Variants in ARHGEF10 observed in about 807,000 individuals in gnomAD.
The protein encoded by ARHGEF10 is Rho guanine nucleotide exchange factor 10.
ARHGEF10 carries 140 observed loss-of-function variants against 147.4 expected under a neutral mutation model. That is an observed-to-expected ratio of 0.95 (90% CI 0.83 to 1.09). ARHGEF10 has a LOEUF of 1.09. Ranked by LOEUF, ARHGEF10 falls within the 50% of genes least tolerant of loss-of-function variation. The probability of loss-of-function intolerance (pLI) is 0.00; values close to 1 mark genes in which losing one functional copy is unlikely to be tolerated. For missense variants in ARHGEF10, 2,222 were observed against 1,752.7 expected, an observed-to-expected ratio of 1.27 and a Z score of -4.78; for synonymous variants, 902 against 695.8, an observed-to-expected ratio of 1.30 and a Z score of -4.67.
At chr8:1,835,182 G>C (rs1238304393) in intron 1 of ARHGEF10, among the ~76,000 whole-genome samples, 1 of 152,192 alleles carries the variant, frequency 6.6e-6, no homozygotes, top group Non-Finnish European at 1.5e-5. Flanking sequence ...ATGGAGGCCG[G>C]AGGAGTGGAC....
At chr8:1,923,321 G>A (rs1812440668) in intron 19 of ARHGEF10, 147 bp from the exon 20 acceptor site, 1 of 1,254,954 alleles carries the variant, frequency 8.0e-7, no homozygotes, top group African/African-American at 1.5e-5. Context: ...CCCACAGTGT[G>A]ATCTGACTCC....
intron 11 of ARHGEF10, among the ~76,000 whole-genome samples, chr8:1,889,893 TGC>T: frequency 7.5e-6 from 1 of 132,604 alleles, no homozygotes; most frequent in African/African-American, 3.0e-5. Flanking sequence ...GAGGAGACAC[TGC>T]ATGGGGTGAA....
intron 12 of ARHGEF10, among the ~76,000 whole-genome samples, chr8:1,894,054 G>A (rs1370483769): frequency 6.6e-6 from 1 of 151,676 alleles, no homozygotes; most frequent in Non-Finnish European, 1.5e-5. Context: ...TGTGCCTATG[G>A]TCCCAGCTAC....
At chr8:1,892,317 G>GTGTC (rs1809603715) in intron 11 of ARHGEF10, among the ~76,000 whole-genome samples, 1 of 150,000 alleles carries the variant, frequency 6.7e-6, no homozygotes, top group Non-Finnish European at 1.5e-5. Flanking sequence ...GTGTGTGTGT[G>GTGTC]TGTGTGTGTG....
chr8:1,855,460 C>T (rs1176137408), intron 2 of ARHGEF10, among the ~76,000 whole-genome samples: 1 of 152,086 alleles, frequency 6.6e-6, no homozygotes, highest in Admixed American at 6.5e-5. Flanking sequence ...CAGCTCACTG[C>T]AACTTCCGCT....
intron 27 of ARHGEF10, 41 bp downstream of exon 27, chr8:1,945,696 G>A (rs753021875): frequency 4.4e-5 from 71 of 1,611,864 alleles, no homozygotes; most frequent in Non-Finnish European, 5.4e-5. Flanking sequence ...GACAGCAACC[G>A]GGGACGGACG....
intron 27 of ARHGEF10, 134 bp from the exon 28 acceptor site, chr8:1,952,571 T>G (rs1815141894): frequency 1.6e-6 from 2 of 1,233,296 alleles, no homozygotes; most frequent in Non-Finnish European, 2.3e-6. Flanking sequence ...GTTTGGGAAC[T>G]CCTGTGCCAC....
Position 1,912,636 on chromosome 8 carries a change from A to G in ARHGEF10, c.2143+3166A>G, listed in dbSNP as rs140248356. On this transcript the variant is annotated intron_variant, in intron 18 of 28. Coordinates refer to ENST00000349830, the MANE Select transcript of ARHGEF10 (RefSeq NM_014629.4). ...GTGGTGTTCGACATCCGGAGTTATG[A>G]TGTGGCACTTTCCTCTCTTGCAGAG... 1.7e-4 allele frequency among the ~76,000 whole-genome samples: 23 copies of G among 133,520 alleles called. No individual in the cohort carries two copies. In the East Asian group the frequency reaches 4.3e-3, roughly 25 times the overall value. The allele number at this position is 133,520 out of a possible 152,430, so 87.6% of individuals were successfully genotyped here.
intron 2 of ARHGEF10, among the ~76,000 whole-genome samples, chr8:1,851,059 C>T (rs1047005425): frequency 1.3e-5 from 2 of 152,152 alleles, no homozygotes; most frequent in African/African-American, 4.8e-5. Context: ...ACAGGCGGAG[C>T]ACGGGATTTT....
Position 1,860,114 on chromosome 8 carries a change from C to T in ARHGEF10, c.411C>T (p.Ser137=). 1 of 1,614,104 alleles carries T rather than the reference C, an allele frequency of 6.2e-7. No individual in the cohort carries two copies. Residue 137 remains serine (S), a synonymous_variant, in exon 4 of 29, where the codon TCC becomes TCT. Coordinates refer to ENST00000349830, the MANE Select transcript of ARHGEF10 (RefSeq NM_014629.4). Reference sequence around the variant, plus strand: ...TACCCTGCGGCTATGCGGTGCCCTCCAACCTGCCCCTCCTGCTGCCCGCCT... The same window carrying T: ...TACCCTGCGGCTATGCGGTGCCCTCTAACCTGCCCCTCCTGCTGCCCGCCT... The part of the protein sequence containing the change: ...VPVPCGYAVP[S]NLPLLLPAYS...
chr8:1,906,318 A>G (rs1810886808), intron 17 of ARHGEF10, among the ~76,000 whole-genome samples: 1 of 152,184 alleles, frequency 6.6e-6, no homozygotes, highest in Admixed American at 6.5e-5. Context: ...ACGTGGTGCC[A>G]ATTCGTCATG....
chr8:1,929,543 CCCGCCCCTGTGCCT>C, intron 25 of ARHGEF10, 100 bp downstream of exon 25: 4 of 1,420,774 alleles, frequency 2.8e-6, no homozygotes, highest in East Asian at 2.4e-5. Context: ...CCTCCTGCCT[CCCGCCCCTGTGCCT>C]CCGCCCCTGC....
chr8:1,933,557 G>T (rs1396808739), intron 25 of ARHGEF10, among the ~76,000 whole-genome samples: 1 of 131,432 alleles, frequency 7.6e-6, no homozygotes, highest in Non-Finnish European at 1.6e-5. Flanking sequence ...AGGCAGGGGG[G>T]CGGGTGGGGG....
intron 1 of ARHGEF10, among the ~76,000 whole-genome samples, chr8:1,833,387 G>GAAA (rs1449900298): frequency 6.8e-5 from 8 of 118,230 alleles, no homozygotes; most frequent in Non-Finnish European, 1.1e-4. Flanking sequence ...GGCAGGTGCA[G>GAAA]CGACAGGGGC....
chr8:1,926,252 A>G, intron 22 of ARHGEF10, 125 bp from the exon 23 acceptor site: 1 of 801,530 alleles, frequency 1.2e-6, no homozygotes, highest in Non-Finnish European at 2.2e-6. Context: ...AATCTTTGGT[A>G]GGTAATGAAC....
intron 2 of ARHGEF10, among the ~76,000 whole-genome samples, chr8:1,846,608 C>T (rs552379560): frequency 2.6e-5 from 4 of 151,984 alleles, no homozygotes; most frequent in East Asian, 1.9e-4. Context: ...GACGGAGTCT[C>T]GCTCTCTCAC....
rs1013160519 is a variant in ARHGEF10, at chr8:1,866,984, A to C, written c.622+382A>C. 5.4e-5 allele frequency among the ~76,000 whole-genome samples: 8 copies of C among 148,252 alleles called. No individual in the cohort carries two copies. In the South Asian group the frequency reaches 1.7e-3, roughly 32 times the overall value. ...TTCCCAGGGAGATGCAGTGTCTGGC[A>C]CCCGTTTTGAAGAGGGGGCGGGTGG... On this transcript the variant is annotated intron_variant, in intron 6 of 28. Transcript: ENST00000349830.
chr8:1,904,786 C>A (rs1444993710), intron 16 of ARHGEF10, among the ~76,000 whole-genome samples: 2 of 152,038 alleles, frequency 1.3e-5, no homozygotes, highest in Admixed American at 1.3e-4. Flanking sequence ...ACAGCACAGA[C>A]CACCGGGGCT....
intron 16 of ARHGEF10, chr8:1,903,654 C>T: frequency 3.1e-6 from 2 of 645,334 alleles, no homozygotes; most frequent in African/African-American, 1.8e-5. Flanking sequence ...CCTGTCTTAA[C>T]AGCATTTTCT....
Sources: gnomAD v4.1 joint callset for allele counts (sites outside exome capture counted in the v4.1 genomes callset) on GRCh38, gnomAD v4.1.1 for gene constraint, MANE v1.5 for transcripts, NCBI Gene and HGNC (gene_info 2026-07-23, HGNC 2026-07-21) for gene names.